CDH12: variants seen among roughly 807,000 people sequenced by gnomAD.
The protein encoded by CDH12 is cadherin 12, also known as cadherin-12.
In CDH12, 41 loss-of-function variants were observed where a neutral mutation model predicts 74.1. The ratio of observed to expected loss-of-function variants is 0.55; its 90% CI spans 0.43 to 0.72. CDH12 has a LOEUF of 0.72. Among genes scored for constraint, CDH12 ranks in the 30% least tolerant of loss-of-function variants. The pLI, the probability that CDH12 is intolerant of heterozygous loss-of-function variation, is 0.00. For missense variants in CDH12, 945 were observed against 977.2 expected (o/e 0.97, Z 0.44); for synonymous variants, 399 against 355.0 (o/e 1.12, Z -1.39).
chr5:22,819,382 A>T (rs948724676), intron 1 of CDH12, among the ~76,000 whole-genome samples: 5 of 152,210 alleles, frequency 3.3e-5, no homozygotes, highest in Non-Finnish European at 7.4e-5. Flanking sequence ...AAGGAAAAGA[A>T]ATATATCTTA....
At chr5:22,466,346 A>G (rs759684747) in intron 2 of CDH12, among the ~76,000 whole-genome samples, 3 of 152,190 alleles carry the variant, frequency 2.0e-5, no homozygotes, top group South Asian at 2.1e-4. Context: ...AATGGGGCAC[A>G]TATGTTTATG....
At chr5:22,060,641 C>A (rs982218100) in intron 5 of CDH12, among the ~76,000 whole-genome samples, 1 of 152,098 alleles carries the variant, frequency 6.6e-6, no homozygotes, top group African/African-American at 2.4e-5. Flanking sequence ...ACACAGTATA[C>A]AAGATTGGAA....
intron 1 of CDH12, among the ~76,000 whole-genome samples, chr5:22,579,769 TATATC>T (rs1395022722): frequency 6.6e-6 from 1 of 152,218 alleles, no homozygotes; most frequent in Admixed American, 6.5e-5. Context: ...TTTCAACAAA[TATATC>T]AGATTAATTG....
intron 3 of CDH12, among the ~76,000 whole-genome samples, chr5:22,397,816 C>T (rs1742528153): frequency 6.6e-6 from 1 of 151,898 alleles, no homozygotes; most frequent in East Asian, 1.9e-4. Flanking sequence ...TTATGGTTGG[C>T]CCTAATCCAA....
chr5:21,894,111 G>T (rs564056035), intron 6 of CDH12, among the ~76,000 whole-genome samples: 2 of 152,272 alleles, frequency 1.3e-5, no homozygotes, highest in East Asian at 3.9e-4. Flanking sequence ...GGGCAGAGCG[G>T]TTCATGCCTG....
chr5:22,704,357 A>G (rs934125343), intron 1 of CDH12, among the ~76,000 whole-genome samples: 13 of 151,988 alleles, frequency 8.6e-5, no homozygotes, highest in Non-Finnish European at 1.3e-4. Context: ...TTGTAGTAAA[A>G]CCCATTTGCA....
intron 1 of CDH12, among the ~76,000 whole-genome samples, chr5:22,698,108 G>A (rs971677914): frequency 1.1e-4 from 15 of 140,152 alleles, no homozygotes; most frequent in African/African-American, 2.4e-4. Flanking sequence ...CTTAATGCCC[G>A]CATAAAGGCA....
intron 1 of CDH12, among the ~76,000 whole-genome samples, chr5:22,534,524 T>C (rs1324474861): frequency 9.8e-5 from 15 of 152,290 alleles, no homozygotes. Context: ...CGAATGCCAT[T>C]ATCCTACTCA....
intron 1 of CDH12, among the ~76,000 whole-genome samples, chr5:22,570,240 G>A (rs1288141988): frequency 6.6e-6 from 1 of 151,750 alleles, no homozygotes; most frequent in Non-Finnish European, 1.5e-5. Context: ...ATTTTTACTA[G>A]GTTTCACCGT....
intron 2 of CDH12, among the ~76,000 whole-genome samples, chr5:22,420,511 T>TCA (rs1561390296): frequency 6.6e-6 from 1 of 152,156 alleles, no homozygotes; most frequent in Non-Finnish European, 1.5e-5. Context: ...CTTAGATCTC[T>TCA]ATACTATTCC....
chr5:22,679,820 T>C (rs758717893), intron 1 of CDH12, among the ~76,000 whole-genome samples: 1 of 152,106 alleles, frequency 6.6e-6, no homozygotes, highest in Non-Finnish European at 1.5e-5. Flanking sequence ...TGAAGACTTA[T>C]CTACCTAACA....
In CDH12 at chr5:22,723,428, G is replaced by T. The variant is rs147944875; in HGVS notation, c.-523+129630C>A. On this transcript the variant is annotated intron_variant, in intron 1 of 14. Transcript: ENST00000382254. ...AGAAGACAGAGGATGAGTTAAAAGT[G>T]TTAACATTAAATTTTGGCTTGATAG... Among the ~76,000 whole-genome samples the T allele has an allele frequency of 4.6e-5, 7 of 152,214 alleles. No individual in the cohort carries two copies. The East Asian group carries it at 1.2e-3, about 25-fold the overall frequency.
In CDH12 at chr5:21,837,987, C is replaced by T. The variant is rs973549708; in HGVS notation, c.814+4174G>A. ...CCTGTTTATGAGTGGTGACAACATACGCCGTGATTTTTTTGCAGATGTGCT... is the reference window on the plus strand; with the variant it reads ...CCTGTTTATGAGTGGTGACAACATATGCCGTGATTTTTTTGCAGATGTGCT... On this transcript the variant is annotated intron_variant, in intron 8 of 14. Transcript: ENST00000382254. Among the ~76,000 whole-genome samples, 9 of 152,116 alleles carry T rather than the reference C, an allele frequency of 5.9e-5. 1 individual carries two copies. Among genetic ancestry groups the T allele is most frequent in the Admixed American group, 2.6e-4 (4 of 15,256 alleles).
At chr5:22,685,056 T>C (rs567213968) in intron 1 of CDH12, among the ~76,000 whole-genome samples, 4 of 152,134 alleles carry the variant, frequency 2.6e-5, no homozygotes, top group Non-Finnish European at 5.9e-5. Flanking sequence ...TTTATGGAGG[T>C]GATTTAAAGT....
intron 1 of CDH12, among the ~76,000 whole-genome samples, chr5:22,612,161 G>A (rs983868077): frequency 6.6e-6 from 1 of 151,990 alleles, no homozygotes; most frequent in Non-Finnish European, 1.5e-5. Context: ...CTTTCAATAC[G>A]CTGGTGAGCT....
chr5:22,669,605 A>C (rs746805719), intron 1 of CDH12, among the ~76,000 whole-genome samples: 4 of 152,208 alleles, frequency 2.6e-5, no homozygotes, highest in African/African-American at 4.8e-5. Context: ...TCTAAATGGC[A>C]GACTTGGTCT....
chr5:22,352,773 A>G (rs1580554206), intron 3 of CDH12, among the ~76,000 whole-genome samples: 2 of 152,196 alleles, frequency 1.3e-5, no homozygotes, highest in East Asian at 3.9e-4. Context: ...ACCCTCTGAC[A>G]TATGGACATT....
At chr5:21,889,631 A>T (rs926895917) in intron 6 of CDH12, 2 of 985,234 alleles carry the variant, frequency 2.0e-6, no homozygotes, top group Admixed American at 1.2e-4. Flanking sequence ...TGTGGCTTTG[A>T]TAACACAGCT....
At chr5:22,013,017 A>T (rs1737389143) in intron 5 of CDH12, among the ~76,000 whole-genome samples, 1 of 149,612 alleles carries the variant, frequency 6.7e-6, no homozygotes. Context: ...TTTATACCAA[A>T]CTGCAAGGGG....
Sources: allele counts gnomAD v4.1 joint callset (sites outside exome capture counted in the v4.1 genomes callset), GRCh38; gene constraint gnomAD v4.1.1; transcripts MANE v1.5; gene names NCBI Gene and HGNC (gene_info 2026-07-23, HGNC 2026-07-21).